RPH3AL: variants seen among roughly 807,000 people sequenced by gnomAD.
RPH3AL encodes the protein rab effector Noc2.
Under a neutral mutation model 43.1 loss-of-function variants are expected in RPH3AL, and 38 were observed. The observed-to-expected ratio is 0.88, with a 90% CI of 0.68 to 1.15. RPH3AL has a LOEUF of 1.15. Ranked by LOEUF, RPH3AL falls within the 50% of genes most tolerant of loss-of-function variation. The pLI is 0.00. For synonymous variants in RPH3AL, 189 were observed against 176.3 expected (o/e 1.07, Z -0.57); for missense variants, 462 against 423.2 (o/e 1.09, Z -0.81).
intron 7 of RPH3AL, among the ~76,000 whole-genome samples, chr17:238,613 C>T (rs1567573706): frequency 6.6e-6 from 1 of 152,354 alleles, no homozygotes; most frequent in East Asian, 1.9e-4. Context: ...AGACATCTGT[C>T]CTGACATCAC....
At chr17:214,324 A>AG (rs1567555418) in intron 9 of RPH3AL, among the ~76,000 whole-genome samples, 1 of 152,120 alleles carries the variant, frequency 6.6e-6, no homozygotes, top group Non-Finnish European at 1.5e-5. Flanking sequence ...AGGACCTCCT[A>AG]GGGGAAGGCA....
At chr17:321,479 C>G (rs930295083) in intron 3 of RPH3AL, 64 bp from the exon 4 acceptor site, 2 of 1,476,756 alleles carry the variant, frequency 1.4e-6, no homozygotes, top group African/African-American at 2.8e-5. Context: ...CAGCCCCTAC[C>G]ACATCCACCA....
intron 5 of RPH3AL, among the ~76,000 whole-genome samples, chr17:299,011 T>G (rs2043253063): frequency 7.2e-6 from 1 of 139,462 alleles, no homozygotes; most frequent in Admixed American, 7.3e-5. Flanking sequence ...GGATACCACG[T>G]GGGGGTGTTT....
intron 5 of RPH3AL, among the ~76,000 whole-genome samples, chr17:291,025 T>C (rs566273180): frequency 6.6e-6 from 1 of 152,038 alleles, no homozygotes; most frequent in African/African-American, 2.4e-5. Context: ...CCGAAACGGG[T>C]GAAACTGCCC....
chr17:241,732 T>C (rs2041541715), intron 7 of RPH3AL, among the ~76,000 whole-genome samples: 1 of 151,180 alleles, frequency 6.6e-6, no homozygotes, highest in African/African-American at 2.4e-5. Flanking sequence ...TTTTTTTTTT[T>C]TTTTGAGACG....
Position 322,846 on chromosome 17 carries a change from T to G in RPH3AL, c.78-1431A>C, listed in dbSNP as rs969835167. On this transcript the variant is annotated intron_variant, in intron 3 of 9. Transcript: ENST00000331302. This position sits in a 1 kb window ranked among gnomAD's most constrained non-coding sequence, Gnocchi z 4.0. The stretch of plus-strand genomic sequence containing the variant: ...ATATCCTTTCTCTGTCAGGGGGAGC[T>G]GGGGGCTGATGAATGTGAAGATCTA... Among the ~76,000 whole-genome samples, 8 of 151,854 alleles carry G rather than the reference T, an allele frequency of 5.3e-5. No individual in the cohort carries two copies. Among genetic ancestry groups the G allele is most frequent in the Admixed American group, 5.3e-4 (8 of 15,236 alleles).
chr17:230,101 G>C (rs555717771), intron 7 of RPH3AL, among the ~76,000 whole-genome samples: 1 of 152,306 alleles, frequency 6.6e-6, no homozygotes, highest in South Asian at 2.1e-4. Flanking sequence ...AGGCCCCCGA[G>C]GACAGCCCCA....
chr17:273,751 C>A (rs1188228366), intron 6 of RPH3AL, among the ~76,000 whole-genome samples: 4 of 152,254 alleles, frequency 2.6e-5, no homozygotes, highest in African/African-American at 9.6e-5. Flanking sequence ...ATATACAACA[C>A]ACTGCAGGAG....
chr17:268,553 G>GTTTTTTT lies in RPH3AL; in HGVS notation c.438+13208_438+13214dup, dbSNP rs5818749. Among the ~76,000 whole-genome samples, 134 of 74,530 alleles carry GTTTTTTT rather than the reference G, an allele frequency of 1.8e-3. 5 individuals carry two copies. Among genetic ancestry groups the GTTTTTTT allele is most frequent in the Non-Finnish European group, 2.4e-3 (106 of 43,400 alleles). The allele number at this position is 74,530 out of a possible 152,430, so 48.9% of individuals were successfully genotyped here. A position where few individuals can be genotyped will look rare whatever the true frequency, so the allele number is the denominator to read the frequency against. On this transcript the variant is annotated intron_variant, in intron 6 of 9. Coordinates refer to ENST00000331302, the MANE Select transcript of RPH3AL (RefSeq NM_006987.4). ...ATTAAGATTTTAAGTATGTTTTTGG[G>GTTTTTTT]TTTTTTTTTTTTTTTTTTTTTTTTT...
chr17:243,978 C>A (rs2041671421), intron 7 of RPH3AL, among the ~76,000 whole-genome samples: 1 of 151,450 alleles, frequency 6.6e-6, no homozygotes, highest in Non-Finnish European at 1.5e-5. Flanking sequence ...GATTACCTTC[C>A]TCTATTGATT....
At chr17:315,188 C>T (rs1260468534) in intron 5 of RPH3AL, among the ~76,000 whole-genome samples, 2 of 132,342 alleles carry the variant, frequency 1.5e-5, no homozygotes, top group Non-Finnish European at 3.2e-5. Context: ...CACCTGTAGT[C>T]CCTGTGCTCC....
intron 7 of RPH3AL, among the ~76,000 whole-genome samples, chr17:227,890 C>T (rs775853222): frequency 6.6e-6 from 1 of 152,040 alleles, no homozygotes; most frequent in Non-Finnish European, 1.5e-5. Context: ...AAAAAAAATT[C>T]TCTAATGTAA....
At chr17:349,485 A>G (rs908851409) in intron 1 of RPH3AL, 1 of 152,166 alleles carries the variant, frequency 6.6e-6, no homozygotes, top group Non-Finnish European at 1.5e-5. Context: ...AAACGGCTCT[A>G]AGGTTAAATG....
At chr17:309,431 G>A (rs1368096114) in intron 5 of RPH3AL, among the ~76,000 whole-genome samples, 9 of 150,978 alleles carry the variant, frequency 6.0e-5, no homozygotes, top group Non-Finnish European at 1.2e-4. Flanking sequence ...GCCCCCTGCT[G>A]GGGGTCCGGG....
intron 1 of RPH3AL, among the ~76,000 whole-genome samples, chr17:335,241 G>A (rs1332393587): frequency 6.6e-6 from 1 of 152,156 alleles, no homozygotes; most frequent in Non-Finnish European, 1.5e-5. Context: ...TATCTCTATG[G>A]TGAGAATAAA....
rs1249603269 is a variant in RPH3AL, at chr17:283,902, G to A, written c.352-2048C>T. Reference sequence around the variant, plus strand: ...ACAGGGTCCCCCATCAGCCTATGAGGTGGGCTCCAGAACCACAACGTGGGC... The same window carrying A: ...ACAGGGTCCCCCATCAGCCTATGAGATGGGCTCCAGAACCACAACGTGGGC... On this transcript the variant is annotated intron_variant, in intron 5 of 9. Transcript: ENST00000331302. The surrounding 1 kb of genome is among the most constrained non-coding windows in gnomAD (Gnocchi z 4.2). Among the ~76,000 whole-genome samples, 1 of 152,160 alleles carries A rather than the reference G, an allele frequency of 6.6e-6. No homozygotes were observed.
rs369858383 is a variant in RPH3AL, at chr17:273,400, A to C, written c.438+8368T>G. 4.0e-4 allele frequency among the ~76,000 whole-genome samples: 15 copies of C among 37,578 alleles called. 1 individual carries two copies. Among genetic ancestry groups the C allele is most frequent in the Admixed American group, 1.6e-3 (5 of 3,102 alleles). 24.7% of individuals were successfully genotyped at this position (37,578 alleles called of 152,430 possible). On this transcript the variant is annotated intron_variant, in intron 6 of 9. Coordinates refer to ENST00000331302, the MANE Select transcript of RPH3AL (RefSeq NM_006987.4). The stretch of plus-strand genomic sequence containing the variant: ...GTGACGTCAGGGAGAGACCCCAGCG[A>C]GGGTGACGTCAGGGTGAGACCCCGG...
rs9899374 is a variant in RPH3AL at position 272,741 on chromosome 17, G to A, written c.438+9027C>T. ...CTGCACATTGAGCACATGTACCCTA[G>A]AACTTAAAGTATTATTTAAGTCACA... On this transcript the variant is annotated intron_variant, in intron 6 of 9. Transcript: ENST00000331302. Among the ~76,000 whole-genome samples the A allele has an allele frequency of 1.6e-3, 233 of 145,258 alleles. 1 individual carries two copies. The highest frequency in any genetic ancestry group is 5.6e-3 in the African/African-American group (223 of 39,974).
chr17:227,625 A>C (rs1006694333), intron 7 of RPH3AL, among the ~76,000 whole-genome samples: 6 of 152,154 alleles, frequency 3.9e-5, no homozygotes, highest in Admixed American at 2.0e-4. Flanking sequence ...GGGTCAGCCC[A>C]TGGGTGGAGA....
Sources: gnomAD v4.1 joint callset for allele counts (sites outside exome capture counted in the v4.1 genomes callset) on GRCh38, gnomAD v4.1.1 for gene constraint, Gnocchi (gnomAD v3.1) non-coding constraint, MANE v1.5 for transcripts, NCBI Gene and HGNC (gene_info 2026-07-23, HGNC 2026-07-21) for gene names.